Variants in NRG3 observed in about 807,000 individuals in gnomAD.
NRG3 encodes the protein neuregulin 3.
NRG3 carries 31 observed loss-of-function variants against 66.9 expected under a neutral mutation model. That is an observed-to-expected ratio of 0.46 (90% CI 0.35 to 0.63). The LOEUF is 0.63. Ranked by LOEUF, NRG3 falls within the 20% of genes least tolerant of loss-of-function variation. The pLI is 0.00. For missense variants in NRG3, 910 were observed against 878.9 expected (o/e 1.04, Z -0.45); for synonymous variants, 393 against 359.4 (o/e 1.09, Z -1.06).
intron 1 of NRG3, among the ~76,000 whole-genome samples, chr10:81,991,879 C>A (rs962775153): frequency 6.6e-6 from 1 of 151,964 alleles, no homozygotes; most frequent in Non-Finnish European, 1.5e-5. Context: ...TGTAAATTCC[C>A]AAGAACCAAT....
intron 2 of NRG3, among the ~76,000 whole-genome samples, chr10:82,719,418 G>A (rs2057165402): frequency 6.6e-6 from 1 of 152,324 alleles, no homozygotes; most frequent in Non-Finnish European, 1.5e-5. Flanking sequence ...GGTCAAGCCA[G>A]CTGATCTGTA....
At chr10:81,918,974 AACACACACAC>A (rs542060517) in intron 1 of NRG3, among the ~76,000 whole-genome samples, 3 of 150,070 alleles carry the variant, frequency 2.0e-5, no homozygotes, top group Non-Finnish European at 4.5e-5. Context: ...ATCATAACAA[AACACACACAC>A]ACACACACAC....
intron 2 of NRG3, among the ~76,000 whole-genome samples, chr10:82,474,227 C>T (rs909882045): frequency 6.6e-6 from 1 of 151,550 alleles, no homozygotes; most frequent in African/African-American, 2.4e-5. Flanking sequence ...AATGCATGGT[C>T]CATTCAAAGG....
At chr10:82,626,503 G>T (rs761959020) in intron 2 of NRG3, among the ~76,000 whole-genome samples, 67 of 152,042 alleles carry the variant, frequency 4.4e-4, no homozygotes, top group Non-Finnish European at 7.5e-4. Flanking sequence ...AGTATACAAA[G>T]AACAGTCAAA....
At chr10:82,253,605 A>G (rs1191160261) in intron 1 of NRG3, among the ~76,000 whole-genome samples, 1 of 152,126 alleles carries the variant, frequency 6.6e-6, no homozygotes, top group South Asian at 2.1e-4. Context: ...CACCTTACTC[A>G]AAAGCACAAA....
chr10:82,382,134 T>G (rs1351482429), intron 2 of NRG3, among the ~76,000 whole-genome samples: 1 of 152,088 alleles, frequency 6.6e-6, no homozygotes, highest in African/African-American at 2.4e-5. Context: ...GTATTACCTT[T>G]ATAGAAATAC....
intron 4 of NRG3, among the ~76,000 whole-genome samples, chr10:82,937,468 G>T (rs984480530): frequency 6.6e-6 from 1 of 152,214 alleles, no homozygotes; most frequent in Non-Finnish European, 1.5e-5. Context: ...ATTCAACGTG[G>T]TAGCCACAAA....
At chr10:82,296,655 G>T (rs1364803583) in intron 1 of NRG3, among the ~76,000 whole-genome samples, 1 of 152,056 alleles carries the variant, frequency 6.6e-6, no homozygotes, top group Non-Finnish European at 1.5e-5. Context: ...ACTTCTTTGT[G>T]TTGGGAACAT....
At chr10:82,390,343 T>TG (rs78491872) in intron 2 of NRG3, among the ~76,000 whole-genome samples, 1 of 151,618 alleles carries the variant, frequency 6.6e-6, no homozygotes, top group African/African-American at 2.4e-5. Flanking sequence ...TGTTTTTTTG[T>TG]GGGGGGGCTG....
intron 3 of NRG3, among the ~76,000 whole-genome samples, chr10:82,784,988 A>T (rs1306410043): frequency 3.9e-5 from 6 of 152,220 alleles, no homozygotes; most frequent in African/African-American, 1.4e-4. Context: ...GGATTAAGAA[A>T]ATGTGGCACA....
chr10:81,962,567 A>G (rs1384570138), intron 1 of NRG3, among the ~76,000 whole-genome samples: 2 of 152,210 alleles, frequency 1.3e-5, no homozygotes, highest in African/African-American at 4.8e-5. Context: ...CTGTAATCCC[A>G]TGTGAGTCAG....
At chr10:82,701,849 C>T (rs2055904923) in intron 2 of NRG3, among the ~76,000 whole-genome samples, 1 of 152,142 alleles carries the variant, frequency 6.6e-6, no homozygotes, top group South Asian at 2.1e-4. Context: ...CTTTCGGTGT[C>T]TAAGAAATGC....
chr10:82,164,988 G>C (rs920501638), intron 1 of NRG3, among the ~76,000 whole-genome samples: 4 of 151,950 alleles, frequency 2.6e-5, no homozygotes, highest in Non-Finnish European at 5.9e-5. Flanking sequence ...ATCTGTTTAT[G>C]CCCTATATAA....
chr10:82,846,350 G>A (rs896294447), intron 3 of NRG3, among the ~76,000 whole-genome samples: 13 of 152,130 alleles, frequency 8.5e-5, no homozygotes, highest in African/African-American at 2.2e-4. Context: ...ATGCTTAGAG[G>A]ATATTTAATT....
At position 82,779,794 on chromosome 10, in the gene NRG3, A is replaced by G. The variant is rs563072621; in HGVS notation, c.1027+41144A>G. Among the ~76,000 whole-genome samples the G allele has an allele frequency of 3.9e-5, 6 of 152,108 alleles. No individual in the cohort carries two copies. In the East Asian group the frequency reaches 1.2e-3, roughly 29 times the overall value. On this transcript the variant is annotated intron_variant, in intron 3 of 8. Coordinates refer to ENST00000372141, the MANE Select transcript of NRG3 (RefSeq NM_001010848.4). ...GAAGGTGGAGGTTTGTTACATAGGT[A>G]TACATGTGCCATGGTGGTTTGCTGC... is the stretch of plus-strand genomic sequence containing the variant.
chr10:82,821,829 A>G (rs1412616800), intron 3 of NRG3, among the ~76,000 whole-genome samples: 1 of 152,154 alleles, frequency 6.6e-6, no homozygotes, highest in East Asian at 1.9e-4. Flanking sequence ...GACAAAATAC[A>G]TAAAAAGGCT....
At chr10:82,540,563 G>A (rs1229684030) in intron 2 of NRG3, among the ~76,000 whole-genome samples, 21 of 151,960 alleles carry the variant, frequency 1.4e-4, no homozygotes, top group Admixed American at 1.0e-3. Flanking sequence ...CAGGCAGACA[G>A]TATGCAGCCT....
intron 1 of NRG3, among the ~76,000 whole-genome samples, chr10:82,176,659 C>T (rs1271924520): frequency 6.6e-6 from 1 of 152,022 alleles, no homozygotes; most frequent in Admixed American, 6.6e-5. Context: ...CTGCACTCTA[C>T]AGGAGAAGCT....
chr10:82,650,250 T>A (rs2051304462), intron 2 of NRG3, among the ~76,000 whole-genome samples: 2 of 152,334 alleles, frequency 1.3e-5, no homozygotes, highest in African/African-American at 4.8e-5. Context: ...TATTAATATT[T>A]TGTAATTGTT....
Sources: gnomAD v4.1 joint callset for allele counts (sites outside exome capture counted in the v4.1 genomes callset) on GRCh38, gnomAD v4.1.1 for gene constraint, MANE v1.5 for transcripts, NCBI Gene and HGNC (gene_info 2026-07-23, HGNC 2026-07-21) for gene names.